The following KHDRBS2 variants were observed in gnomAD, a reference collection of about 807,000 sequenced individuals.
KHDRBS2 encodes the protein KH domain-containing, RNA-binding, signal transduction-associated protein 2.
A neutral mutation model predicts 44.3 loss-of-function variants in KHDRBS2; 26 were observed. The ratio of observed to expected loss-of-function variants is 0.59; its 90% confidence interval spans 0.43 to 0.81. The LOEUF (loss-of-function observed/expected upper bound fraction) is 0.81. Ranked by LOEUF, KHDRBS2 falls within the 40% of genes least tolerant of loss-of-function variation. KHDRBS2 has a pLI of 0.00. For missense variants in KHDRBS2, 476 were observed against 433.1 expected (o/e 1.10, Z -0.88); for synonymous variants, 194 against 151.1 (o/e 1.28, Z -2.08).
chr6:61,870,450 C>T (rs377755750), intron 6 of KHDRBS2, among the ~76,000 whole-genome samples: 37 of 152,160 alleles, frequency 2.4e-4, no homozygotes, highest in Non-Finnish European at 4.7e-4. Flanking sequence ...GGGGAAGGAG[C>T]GGCTGTGGGT....
intron 2 of KHDRBS2, among the ~76,000 whole-genome samples, chr6:62,055,383 T>C (rs1184259096): frequency 6.6e-6 from 1 of 152,016 alleles, no homozygotes; most frequent in Admixed American, 6.6e-5. Context: ...GATGACATAA[T>C]TTTACACACA....
At chr6:61,693,614 T>G (rs1445096569) in intron 8 of KHDRBS2, among the ~76,000 whole-genome samples, 1 of 152,170 alleles carries the variant, frequency 6.6e-6, no homozygotes, top group African/African-American at 2.4e-5. Flanking sequence ...GTTCAGACAG[T>G]AAAATCCCTT....
At chr6:62,049,739 A>C (rs1788562447) in intron 2 of KHDRBS2, among the ~76,000 whole-genome samples, 1 of 151,910 alleles carries the variant, frequency 6.6e-6, no homozygotes, top group African/African-American at 2.4e-5. Flanking sequence ...TTCTGTTGAT[A>C]GTACCATCTT....
intron 4 of KHDRBS2, among the ~76,000 whole-genome samples, chr6:61,937,992 A>G (rs548591775): frequency 5.9e-5 from 9 of 152,134 alleles, no homozygotes; most frequent in Non-Finnish European, 1.0e-4. Flanking sequence ...TCTTAGGTCC[A>G]TGTCAGCTAA....
intron 4 of KHDRBS2, among the ~76,000 whole-genome samples, chr6:61,917,191 C>T (rs889902670): frequency 8.6e-5 from 13 of 151,546 alleles, no homozygotes; most frequent in African/African-American, 3.1e-4. Flanking sequence ...TTGGAAGCAA[C>T]CAAGATGTCC....
intron 1 of KHDRBS2, among the ~76,000 whole-genome samples, chr6:62,258,014 C>T (rs149407311): frequency 1.2e-3 from 186 of 152,136 alleles, no homozygotes; most frequent in Admixed American, 2.4e-3. Context: ...GAATCTGAAG[C>T]TTTTTGAGTG....
chr6:61,689,520 T>C (rs184412826), intron 8 of KHDRBS2, among the ~76,000 whole-genome samples: 1 of 152,052 alleles, frequency 6.6e-6, no homozygotes, highest in East Asian at 2.0e-4. Context: ...ATCCCCTTTG[T>C]CTCTTTGCTT....
At chr6:61,861,612 C>T (rs114045288) in intron 6 of KHDRBS2, among the ~76,000 whole-genome samples, 4,700 of 150,138 alleles carry the variant, frequency 0.031, 102 homozygotes, top group Non-Finnish European at 0.048. Flanking sequence ...GTTTCAATTA[C>T]TTGTAGCCGT....
At chr6:61,889,896 T>A (rs1187197981) in intron 6 of KHDRBS2, among the ~76,000 whole-genome samples, 1 of 152,162 alleles carries the variant, frequency 6.6e-6, no homozygotes, top group Non-Finnish European at 1.5e-5. Context: ...TGCTTGCAGT[T>A]TCCTCTACCA....
chr6:62,007,402 G>GTTTT (rs112517639), intron 3 of KHDRBS2, among the ~76,000 whole-genome samples: 3 of 145,026 alleles, frequency 2.1e-5, no homozygotes, highest in Non-Finnish European at 3.0e-5. Flanking sequence ...ACATTTTGAT[G>GTTTT]TTTTTTTTTT....
At chr6:61,596,254 T>C in the KHDRBS2 span, among the ~76,000 whole-genome samples, 1 of 152,122 alleles carries the variant, frequency 6.6e-6, no homozygotes, top group Admixed American at 6.5e-5. Context: ...TATAAAAAAA[T>C]TACAGAGGCA....
chr6:61,662,892 A>G, the KHDRBS2 span, among the ~76,000 whole-genome samples: 117 of 152,042 alleles, frequency 7.7e-4, no homozygotes, highest in African/African-American at 2.7e-3. Context: ...CAGCCATCCC[A>G]TTACTGGGTA....
At chr6:62,222,793 A>G (rs760945187) in intron 1 of KHDRBS2, among the ~76,000 whole-genome samples, 2 of 152,196 alleles carry the variant, frequency 1.3e-5, no homozygotes, top group Non-Finnish European at 2.9e-5. Flanking sequence ...TAAAACTCCA[A>G]AATAATCTCC....
At chr6:61,773,003 G>T (rs1190614040) in intron 6 of KHDRBS2, among the ~76,000 whole-genome samples, 1 of 152,116 alleles carries the variant, frequency 6.6e-6, no homozygotes, top group Non-Finnish European at 1.5e-5. Context: ...GTATTCCGTG[G>T]TGTATATGTG....
chr6:61,960,015 A>G (rs1287671111), intron 4 of KHDRBS2, among the ~76,000 whole-genome samples: 1 of 152,176 alleles, frequency 6.6e-6, no homozygotes, highest in Non-Finnish European at 1.5e-5. Flanking sequence ...TATCAAGACT[A>G]GTCGATGAAA....
intron 6 of KHDRBS2, among the ~76,000 whole-genome samples, chr6:61,832,930 T>C (rs1792070733): frequency 6.6e-6 from 1 of 152,234 alleles, no homozygotes; most frequent in African/African-American, 2.4e-5. Context: ...TTCATACTTT[T>C]ATCTTCATAA....
intron 2 of KHDRBS2, among the ~76,000 whole-genome samples, chr6:62,118,055 C>T (rs183809587): frequency 2.0e-4 from 31 of 152,244 alleles, no homozygotes; most frequent in Admixed American, 5.9e-4. Context: ...AGATTACAGG[C>T]GTGAGCCACC....
At chr6:61,899,954 C>T (rs376593287) in intron 5 of KHDRBS2, among the ~76,000 whole-genome samples, 1 of 151,762 alleles carries the variant, frequency 6.6e-6, no homozygotes, top group Non-Finnish European at 1.5e-5. Flanking sequence ...GAAATGTACA[C>T]GGTTTTACAA....
chr6:61,552,980 C>T, the KHDRBS2 span, among the ~76,000 whole-genome samples: 293 of 152,238 alleles, frequency 1.9e-3, 2 homozygotes, highest in African/African-American at 6.7e-3. Context: ...TATTGTGTCT[C>T]TGCCAGGGTT....
Sources: gnomAD v4.1 joint callset for allele counts (sites outside exome capture counted in the v4.1 genomes callset) on GRCh38, gnomAD v4.1.1 for gene constraint, MANE v1.5 for transcripts, NCBI Gene and HGNC (gene_info 2026-07-23, HGNC 2026-07-21) for gene names.